Variants in TAF1B observed in about 807,000 individuals in gnomAD.
The protein encoded by TAF1B is TATA box-binding protein-associated factor RNA polymerase I subunit B.
In TAF1B, 61 loss-of-function variants were observed where a neutral mutation model predicts 83.9. The ratio of observed to expected loss-of-function variants is 0.73; its 90% CI spans 0.59 to 0.90. TAF1B has a LOEUF of 0.90. Ranked by LOEUF, TAF1B falls within the 40% of genes least tolerant of loss-of-function variation. The probability of loss-of-function intolerance (pLI) is 0.00; values close to 1 mark genes in which losing one functional copy is unlikely to be tolerated. For synonymous variants in TAF1B, 221 were observed against 224.6 expected (o/e 0.98, Z 0.14); for missense variants, 625 against 677.0 (o/e 0.92, Z 0.85).
chr2:9,846,131 T>C (rs574036617), intron 2 of TAF1B: 4 of 470,596 alleles, frequency 8.5e-6, no homozygotes, highest in Non-Finnish European at 1.8e-5. Context: ...AGCCTATTGA[T>C]AGGGCTCAGA....
chr2:9,870,213 G>A (rs1187803183), intron 6 of TAF1B, among the ~76,000 whole-genome samples: 1 of 152,102 alleles, frequency 6.6e-6, no homozygotes, highest in Non-Finnish European at 1.5e-5. Flanking sequence ...ACCAGTCACG[G>A]CAGTGGACTA....
At chr2:9,873,295 A>G (rs879618488) in intron 6 of TAF1B, among the ~76,000 whole-genome samples, 1 of 152,236 alleles carries the variant, frequency 6.6e-6, no homozygotes, top group Non-Finnish European at 1.5e-5. Context: ...GATAAGTGCT[A>G]TGAAGAAAGG....
At chr2:9,921,811 T>C (rs1039840014) in intron 14 of TAF1B, among the ~76,000 whole-genome samples, 6 of 152,244 alleles carry the variant, frequency 3.9e-5, no homozygotes, top group Non-Finnish European at 8.8e-5. Context: ...GGCTATGCCA[T>C]GAAGTTTTTT....
rs1572203467 is a variant in TAF1B, at chr2:9,843,550, C to CGAGGAGGCGGT, written c.10_18+2dup. On this transcript the variant is annotated frameshift_variant, in exon 1 of 15. Coordinates refer to ENST00000263663, the MANE Select transcript of TAF1B (RefSeq NM_005680.3). LOFTEE classifies it high-confidence loss of function. Reference sequence around the variant, plus strand: ...GCTCCCGCGGCGCCGCGATGGACCTCGAGGAGGCGGTAAGGAGGCGGTGCA... The same window carrying CGAGGAGGCGGT: ...GCTCCCGCGGCGCCGCGATGGACCTCGAGGAGGCGGTGAGGAGGCGGTAAGGAGGCGGTGCA... 1 of 1,528,610 alleles carries CGAGGAGGCGGT rather than the reference C, an allele frequency of 6.5e-7. No individual in the cohort carries two copies. The highest frequency in any genetic ancestry group is 8.8e-7 in the Non-Finnish European group (1 of 1,135,736). 94.7% of individuals were successfully genotyped at this position (1,528,610 alleles called of 1,614,324 possible).
chr2:9,872,979 A>G (rs115049388), intron 6 of TAF1B, among the ~76,000 whole-genome samples: 7,305 of 152,330 alleles, frequency 0.048, 204 homozygotes, highest in Non-Finnish European at 0.067. Context: ...ATACCATTGC[A>G]TGGAATTACT....
intron 6 of TAF1B, 152 bp from the exon 7 acceptor site, chr2:9,875,713 A>C: frequency 2.7e-6 from 2 of 749,672 alleles, no homozygotes; most frequent in Non-Finnish European, 4.1e-6. Context: ...GACACGTGGG[A>C]ATTATGAGAA....
chr2:9,876,700 A>G (rs1664330468), intron 7 of TAF1B, among the ~76,000 whole-genome samples: 2 of 152,234 alleles, frequency 1.3e-5, no homozygotes, highest in African/African-American at 4.8e-5. Context: ...TTAGGAACCA[A>G]ACTGCTGGGT....
At chr2:9,901,150 C>T (rs775845405) in intron 8 of TAF1B, among the ~76,000 whole-genome samples, 1 of 152,098 alleles carries the variant, frequency 6.6e-6, no homozygotes, top group Non-Finnish European at 1.5e-5. Context: ...AAATGCATAA[C>T]AATGAGGCAA....
At chr2:9,904,062 G>A (rs1205577200) in intron 8 of TAF1B, among the ~76,000 whole-genome samples, 2 of 151,928 alleles carry the variant, frequency 1.3e-5, no homozygotes, top group East Asian at 3.9e-4. Context: ...CTTTTCTTAA[G>A]CATTCCAAAT....
At chr2:9,921,368 A>G (rs1360978605) in intron 14 of TAF1B, among the ~76,000 whole-genome samples, 2 of 152,226 alleles carry the variant, frequency 1.3e-5, no homozygotes, top group African/African-American at 4.8e-5. Context: ...CTGGGATTAC[A>G]GGTGTGAGCC....
intron 9 of TAF1B, among the ~76,000 whole-genome samples, chr2:9,907,843 G>A (rs1479939186): frequency 1.3e-5 from 2 of 151,978 alleles, no homozygotes; most frequent in African/African-American, 4.8e-5. Flanking sequence ...GGGACACTCA[G>A]CTGGTAGATG....
intron 6 of TAF1B, among the ~76,000 whole-genome samples, chr2:9,870,110 A>AAATG (rs768424637): frequency 6.6e-6 from 1 of 151,962 alleles, no homozygotes; most frequent in East Asian, 1.9e-4. Flanking sequence ...GTATAATAAT[A>AAATG]AATAAATTTT....
chr2:9,888,381 A>T lies in TAF1B; in HGVS notation c.807+5576A>T, dbSNP rs1664743411. Among the ~76,000 whole-genome samples the T allele has an allele frequency of 2.0e-5, 3 of 151,726 alleles. No individual in the cohort carries two copies. In the South Asian group the frequency reaches 6.2e-4, roughly 31 times the overall value. ...AAATGAGAAAAATCATTTTATATTTACCTATGTGTTTGCCATTTCTGGTAA... is the reference window on the plus strand; with the variant it reads ...AAATGAGAAAAATCATTTTATATTTTCCTATGTGTTTGCCATTTCTGGTAA... On this transcript the variant is annotated intron_variant, in intron 8 of 14. Coordinates refer to ENST00000263663, the MANE Select transcript of TAF1B (RefSeq NM_005680.3).
At chr2:9,921,282 G>A (rs920570893) in intron 14 of TAF1B, among the ~76,000 whole-genome samples, 1 of 152,050 alleles carries the variant, frequency 6.6e-6, no homozygotes, top group Non-Finnish European at 1.5e-5. Flanking sequence ...GCAGAGACGA[G>A]GGTCTCCCTA....
In TAF1B at chr2:9,876,660, C is replaced by T. The variant is rs577272960; in HGVS notation, c.707+642C>T. On this transcript the variant is annotated intron_variant, in intron 7 of 14. Transcript: ENST00000263663. Reference sequence around the variant, plus strand: ...CTGAATAGTAACATTTGGGTTTAATCAATATGTAGGGTGCTTTTAACAGCA... The same window carrying T: ...CTGAATAGTAACATTTGGGTTTAATTAATATGTAGGGTGCTTTTAACAGCA... 2.0e-5 allele frequency among the ~76,000 whole-genome samples: 3 copies of T among 152,292 alleles called. No individual in the cohort carries two copies. The East Asian group carries it at 5.8e-4, about 29-fold the overall frequency.
At chr2:9,908,285 G>C (rs1009535938) in intron 9 of TAF1B, among the ~76,000 whole-genome samples, 15 of 151,148 alleles carry the variant, frequency 9.9e-5, no homozygotes, top group African/African-American at 3.4e-4. Context: ...GACCTCAGGT[G>C]ATCTGCCCAC....
At chr2:9,859,471 C>A (rs1663680566) in intron 5 of TAF1B, among the ~76,000 whole-genome samples, 1 of 151,250 alleles carries the variant, frequency 6.6e-6, no homozygotes, top group African/African-American at 2.4e-5. Context: ...ATTGCAACCT[C>A]CGCCTCCTGG....
Position 9,914,875 on chromosome 2 carries a change from G to A in TAF1B, c.1271+1626G>A, listed in dbSNP as rs993676239. 2.0e-5 allele frequency among the ~76,000 whole-genome samples: 3 copies of A among 152,142 alleles called. No homozygotes were observed. Among genetic ancestry groups the A allele is most frequent in the South Asian group, 2.1e-4 (1 of 4,832 alleles). On this transcript the variant is annotated intron_variant, in intron 12 of 14. Coordinates refer to ENST00000263663, the MANE Select transcript of TAF1B (RefSeq NM_005680.3). The surrounding 1 kb of genome is among the most constrained non-coding windows in gnomAD (Gnocchi z 4.3). ...GCTGCTCAGGCCCAGAGCTCAGTGC[G>A]TGGTGGCCACCTGTCGGTTTCACCC...
chr2:9,922,215 G>A (rs572611855), intron 14 of TAF1B, among the ~76,000 whole-genome samples: 1 of 152,296 alleles, frequency 6.6e-6, no homozygotes, highest in South Asian at 2.1e-4. Context: ...TAAATGTGGG[G>A]ATAATACTGA....
Sources: allele counts gnomAD v4.1 joint callset (sites outside exome capture counted in the v4.1 genomes callset), GRCh38; gene constraint gnomAD v4.1.1; non-coding constraint Gnocchi (gnomAD v3.1); transcripts MANE v1.5; gene names NCBI Gene and HGNC (gene_info 2026-07-23, HGNC 2026-07-21).